AOPEP: variants seen among roughly 807,000 people sequenced by gnomAD.
The protein encoded by AOPEP is aminopeptidase O (putative).
Under a neutral mutation model 98.1 loss-of-function variants are expected in AOPEP, and 77 were observed. That is an observed-to-expected ratio of 0.78 (90% CI 0.65 to 0.95). The LOEUF (loss-of-function observed/expected upper bound fraction) is 0.95. Ranked by LOEUF, AOPEP falls within the 40% of genes least tolerant of loss-of-function variation. The pLI, the probability that AOPEP is intolerant of heterozygous loss-of-function variation, is 0.00. For missense variants in AOPEP, 1,024 were observed against 1,024.7 expected, an observed-to-expected ratio of 1.00 and a Z score of 0.01; for synonymous variants, 346 against 365.3, an observed-to-expected ratio of 0.95 and a Z score of 0.60.
At chr9:94,854,386 G>A (rs1387074794) in intron 5 of AOPEP, among the ~76,000 whole-genome samples, 2 of 152,214 alleles carry the variant, frequency 1.3e-5, no homozygotes, top group African/African-American at 2.4e-5. Context: ...GTCTCTAAAG[G>A]CCATTTCTAT....
intron 7 of AOPEP, chr9:94,928,788 A>C (rs2054795725): frequency 7.1e-6 from 3 of 423,796 alleles, no homozygotes; most frequent in South Asian, 5.5e-5. Context: ...CTTCGTTTGA[A>C]GTTCTAACAG....
At chr9:95,116,713 G>A in the AOPEP span, among the ~76,000 whole-genome samples, 1 of 152,186 alleles carries the variant, frequency 6.6e-6, no homozygotes, top group Non-Finnish European at 1.5e-5. Flanking sequence ...TGAGCTCACA[G>A]CCACATTCCT....
rs1267381309 is a variant in AOPEP, at chr9:94,792,925, G to A, written c.1118+7G>A. The stretch of plus-strand genomic sequence containing the variant: ...CTTCTGAGGCCAACTTCAGGTTTGT[G>A]TTTGGGGACTTGCTGGGAAGGAAAA... On this transcript the variant is annotated splice_region_variant and intron_variant, in intron 4 of 16. Coordinates refer to ENST00000375315, the MANE Select transcript of AOPEP (RefSeq NM_001193329.3). 10 of 1,573,098 alleles carry A rather than the reference G, an allele frequency of 6.4e-6. No individual in the cohort carries two copies. Among genetic ancestry groups the A allele is most frequent in the Non-Finnish European group, 8.6e-6 (10 of 1,160,108 alleles).
At chr9:95,106,691 T>C in the AOPEP span, among the ~76,000 whole-genome samples, 1 of 152,224 alleles carries the variant, frequency 6.6e-6, no homozygotes, top group African/African-American at 2.4e-5. Flanking sequence ...AGCATTGTGG[T>C]TGCTTTGCGA....
intron 5 of AOPEP, among the ~76,000 whole-genome samples, chr9:94,857,300 C>T (rs944233208): frequency 5.3e-5 from 8 of 152,154 alleles, no homozygotes; most frequent in African/African-American, 1.9e-4. Flanking sequence ...TTTCTTCAAC[C>T]ATGTTTTAAC....
intron 13 of AOPEP, among the ~76,000 whole-genome samples, chr9:95,012,671 G>A (rs559278418): frequency 2.6e-5 from 4 of 152,032 alleles, no homozygotes; most frequent in Admixed American, 6.6e-5. Context: ...TGACAGCAGC[G>A]TGTATCGAGT....
At chr9:95,139,181 C>T in the AOPEP span, among the ~76,000 whole-genome samples, 2 of 152,122 alleles carry the variant, frequency 1.3e-5, no homozygotes, top group East Asian at 1.9e-4. Flanking sequence ...TGCAAATGGC[C>T]GATAAAAATG....
intron 7 of AOPEP, among the ~76,000 whole-genome samples, chr9:94,944,984 T>G (rs943494289): frequency 6.6e-6 from 1 of 152,126 alleles, no homozygotes; most frequent in Non-Finnish European, 1.5e-5. Context: ...TGTAGCCTGG[T>G]GGGGTTGATC....
chr9:95,082,816 C>T, intron 16 of AOPEP, 97 bp downstream of exon 16: 1 of 1,376,624 alleles, frequency 7.3e-7, no homozygotes, highest in Non-Finnish European at 1.0e-6. Flanking sequence ...GCCAAGACTA[C>T]CCGCAGCATC....
chr9:94,993,358 C>T (rs1039749910), intron 11 of AOPEP, among the ~76,000 whole-genome samples: 2 of 152,106 alleles, frequency 1.3e-5, no homozygotes, highest in African/African-American at 4.8e-5. Flanking sequence ...CATTGTTGCC[C>T]AATGCTCTAG....
the AOPEP span, among the ~76,000 whole-genome samples, chr9:95,095,451 T>A: frequency 6.6e-6 from 1 of 152,220 alleles, no homozygotes; most frequent in Non-Finnish European, 1.5e-5. Flanking sequence ...GGCAGCTGTT[T>A]CCTTACTGAT....
At chr9:95,068,093 CAGTT>C (rs1466440966) in intron 14 of AOPEP, among the ~76,000 whole-genome samples, 8 of 152,196 alleles carry the variant, frequency 5.3e-5, no homozygotes, top group Non-Finnish European at 8.8e-5. Context: ...AGCTGATGGA[CAGTT>C]AGGGTGTTTC....
At chr9:94,780,679 A>G (rs914526102) in intron 3 of AOPEP, among the ~76,000 whole-genome samples, 3 of 152,268 alleles carry the variant, frequency 2.0e-5, no homozygotes, top group Non-Finnish European at 4.4e-5. Flanking sequence ...TGGATACAAG[A>G]TGATGCTATT....
At chr9:95,099,441 C>G in the AOPEP span, 1 of 227,124 alleles carries the variant, frequency 4.4e-6, no homozygotes, top group Middle Eastern at 1.3e-3. Context: ...CGCCGCGTCC[C>G]CGCCCAGCAT....
At chr9:94,782,604 G>A (rs1019010514) in intron 3 of AOPEP, among the ~76,000 whole-genome samples, 4 of 152,144 alleles carry the variant, frequency 2.6e-5, no homozygotes, top group African/African-American at 4.8e-5. Context: ...CAGGAATTAC[G>A]TATGAGGAAA....
intron 5 of AOPEP, among the ~76,000 whole-genome samples, chr9:94,808,240 A>T (rs980353112): frequency 6.6e-6 from 1 of 151,990 alleles, no homozygotes; most frequent in African/African-American, 2.4e-5. Context: ...GGGTTTCACC[A>T]TGTTGCCCAG....
intron 1 of AOPEP, among the ~76,000 whole-genome samples, chr9:94,759,351 G>A (rs946808369): frequency 6.6e-6 from 1 of 152,196 alleles, no homozygotes; most frequent in Non-Finnish European, 1.5e-5. Flanking sequence ...AGTGATGCTG[G>A]GTTACACTTT....
chr9:95,121,797 GTCATATATA>G, the AOPEP span, among the ~76,000 whole-genome samples: 36 of 151,688 alleles, frequency 2.4e-4, no homozygotes, highest in African/African-American at 8.5e-4. Context: ...TGTTTAGGCA[GTCATATATA>G]TGTGATCAAA....
chr9:94,822,893 T>C (rs145367294), intron 5 of AOPEP, among the ~76,000 whole-genome samples: 2 of 152,282 alleles, frequency 1.3e-5, no homozygotes, highest in African/African-American at 4.8e-5. Context: ...GCCCGTCTCC[T>C]AAGTGATAGT....
Sources: allele counts gnomAD v4.1 joint callset (sites outside exome capture counted in the v4.1 genomes callset), GRCh38; gene constraint gnomAD v4.1.1; transcripts MANE v1.5; gene names NCBI Gene and HGNC (gene_info 2026-07-23, HGNC 2026-07-21).